Variants in NVL observed in about 807,000 individuals in gnomAD.
The protein encoded by NVL is nuclear valosin-containing protein-like.
NVL carries 84 observed loss-of-function variants against 110.2 expected under a neutral mutation model. That is an observed-to-expected ratio of 0.76 (90% confidence interval 0.64 to 0.91). The LOEUF is 0.91. NVL is among the 40% of genes least tolerant of loss of function. The pLI is 0.00. For synonymous variants in NVL, 354 were observed against 361.1 expected, an observed-to-expected ratio of 0.98 and a Z score of 0.22; for missense variants, 882 against 1,035.9, an observed-to-expected ratio of 0.85 and a Z score of 2.04.
intron 18 of NVL, among the ~76,000 whole-genome samples, chr1:224,261,726 A>G (rs1664005870): frequency 6.6e-6 from 1 of 152,024 alleles, no homozygotes; most frequent in African/African-American, 2.4e-5. Flanking sequence ...CTGAGGTGGG[A>G]GGATCGCTTG....
intron 15 of NVL, 97 bp from the exon 16 acceptor site, chr1:224,281,282 T>TCC: frequency 1.3e-6 from 1 of 767,468 alleles, no homozygotes; most frequent in South Asian, 1.5e-5. Flanking sequence ...GGACTCTGTG[T>TCC]GCGTGTGTGT....
chr1:224,272,098 G>A (rs1665174922), intron 17 of NVL, among the ~76,000 whole-genome samples: 2 of 151,988 alleles, frequency 1.3e-5, no homozygotes, highest in Admixed American at 6.6e-5. Context: ...CACTTTGGAA[G>A]GCTGAGGCAG....
intron 18 of NVL, among the ~76,000 whole-genome samples, chr1:224,261,003 GTAGC>G (rs1663914444): frequency 6.6e-6 from 1 of 152,050 alleles, no homozygotes; most frequent in South Asian, 2.1e-4. Context: ...AGCCTCCCGA[GTAGC>G]TGGGACTATG....
In NVL at chr1:224,250,307, G is replaced by A. The variant is rs199771667; in HGVS notation, c.2194C>T (p.Pro732Ser). 4.1e-5 allele frequency: 65 copies of A among 1,579,180 alleles called. 1 individual carries two copies. The highest frequency in any genetic ancestry group is 2.6e-6 in the Non-Finnish European group (3 of 1,167,322). The part of the protein sequence containing the change: ...AATNRPDIID[P>S]AILRPGRLDK... Reference sequence around the variant, plus strand: ...AGGCGGCCCGGGCGCAGGATTGCAGGGTCAATTATATCTAGAGAAGAAGGG... The same window carrying A: ...AGGCGGCCCGGGCGCAGGATTGCAGAGTCAATTATATCTAGAGAAGAAGGG... The change falls in exon 19 of 23, where the codon CCT (proline) becomes TCT (serine). Residue 732 changes from proline to serine, a missense_variant. Physicochemically the swap from Pro to Ser is moderately conservative, Grantham distance 74. Transcript: ENST00000281701.
chr1:224,308,115 G>A lies in NVL; in HGVS notation c.491C>T (p.Thr164Ile). ...TCCTCCTTCAGAATCTTTGGCAGGG[G>A]TCTTCAAGGGAATGGAGCCTGTTTT... ...SSKTGSIPLK[T>I]PAKDSEGGWF... Residue 164 changes from threonine to isoleucine, a missense_variant, in exon 6 of 23, where the codon ACC becomes ATC. Coordinates refer to ENST00000281701, the MANE Select transcript of NVL (RefSeq NM_002533.4). 1 of 1,613,868 alleles carries A rather than the reference G, an allele frequency of 6.2e-7. No homozygotes were observed. Among genetic ancestry groups the A allele is most frequent in the South Asian group, 1.1e-5 (1 of 91,004 alleles).
chr1:224,323,713 A>G (rs1479100583), intron 2 of NVL, among the ~76,000 whole-genome samples: 2 of 152,198 alleles, frequency 1.3e-5, no homozygotes, highest in African/African-American at 4.8e-5. Context: ...CTGCCAACAC[A>G]AACCCAGAGG....
At chr1:224,255,708 C>A (rs1432565918) in intron 18 of NVL, among the ~76,000 whole-genome samples, 1 of 152,162 alleles carries the variant, frequency 6.6e-6, no homozygotes. Flanking sequence ...CTGTACCTGG[C>A]TTATTGGCAC....
chr1:224,227,459 A>G lies in NVL; in HGVS notation c.*167T>C. Reference sequence around the variant, plus strand: ...GGCATTTTCACACAAGGCTGGCCAGATGGGAAGAATCTTCAGCTTCAGCTT... The same window carrying G: ...GGCATTTTCACACAAGGCTGGCCAGGTGGGAAGAATCTTCAGCTTCAGCTT... On this transcript the variant is annotated 3_prime_UTR_variant, in exon 23 of 23. Transcript: ENST00000281701. 1 of 458,218 alleles carries G rather than the reference A, an allele frequency of 2.2e-6. No individual in the cohort carries two copies. The highest frequency in any genetic ancestry group is 3.8e-6 in the Non-Finnish European group (1 of 259,754). 28.4% of individuals were successfully genotyped at this position (458,218 alleles called of 1,614,324 possible).
chr1:224,301,704 G>A (rs1158129550), intron 9 of NVL: 1 of 348,288 alleles, frequency 2.9e-6, no homozygotes, highest in Non-Finnish European at 5.7e-6. Context: ...TGAGGCTGAG[G>A]CAGGAGGATC....
intron 15 of NVL, among the ~76,000 whole-genome samples, chr1:224,285,116 C>T (rs1666728334): frequency 1.3e-5 from 2 of 152,024 alleles, no homozygotes; most frequent in South Asian, 4.1e-4. Context: ...GGAAATACAG[C>T]TAAGTGAGAA....
intron 19 of NVL, among the ~76,000 whole-genome samples, chr1:224,240,894 G>C (rs4316335): frequency 6.7e-6 from 1 of 148,434 alleles, no homozygotes; most frequent in African/African-American, 2.5e-5. Flanking sequence ...GGGTTCAAGA[G>C]ATTCTCCTGC....
At chr1:224,278,901 G>GT (rs999064513) in intron 16 of NVL, among the ~76,000 whole-genome samples, 1 of 151,876 alleles carries the variant, frequency 6.6e-6, no homozygotes, top group Non-Finnish European at 1.5e-5. Flanking sequence ...ATTTTATGGG[G>GT]TTTTTTTGTA....
intron 18 of NVL, among the ~76,000 whole-genome samples, chr1:224,251,975 C>T (rs1021310869): frequency 5.3e-5 from 8 of 152,176 alleles, no homozygotes; most frequent in African/African-American, 7.2e-5. Flanking sequence ...TCAAATTCCG[C>T]TCCCACTGCA....
intron 22 of NVL, chr1:224,228,059 T>C (rs1356947752): frequency 6.5e-6 from 1 of 152,824 alleles, no homozygotes; most frequent in African/African-American, 2.4e-5. Context: ...TCTGTGGTAC[T>C]TTGTCATAGT....
intron 22 of NVL, among the ~76,000 whole-genome samples, chr1:224,229,949 G>A (rs1454657838): frequency 1.3e-5 from 2 of 150,694 alleles, no homozygotes; most frequent in Non-Finnish European, 3.0e-5. Flanking sequence ...CTTCTGCCTC[G>A]GTCTCCTAAG....
At position 224,268,135 on chromosome 1, in the gene NVL, TAA is replaced by T. The variant is rs1664683025; in HGVS notation, c.2083-4_2083-3del. 1.2e-6 allele frequency: 2 copies of T among 1,606,266 alleles called. No individual in the cohort carries two copies. Among genetic ancestry groups the T allele is most frequent in the Non-Finnish European group, 1.7e-6 (2 of 1,173,684 alleles). ...CACCACTCGGACACTTGCCCCTGTC[TAA>T]AAAGACATAAATCTGGTTCCATCAG... On this transcript the variant is annotated splice_polypyrimidine_tract_variant and splice_region_variant and intron_variant, in intron 17 of 22. Coordinates refer to ENST00000281701, the MANE Select transcript of NVL (RefSeq NM_002533.4).
At chr1:224,246,483 T>C (rs1334694427) in intron 19 of NVL, among the ~76,000 whole-genome samples, 3 of 152,222 alleles carry the variant, frequency 2.0e-5, no homozygotes, top group Non-Finnish European at 4.4e-5. Context: ...CCAATCATTC[T>C]CTGGTTCCAA....
intron 16 of NVL, 65 bp downstream of exon 16, chr1:224,281,058 C>T: frequency 1.5e-6 from 2 of 1,358,156 alleles, no homozygotes; most frequent in Non-Finnish European, 1.1e-6. Flanking sequence ...GAACATTTTA[C>T]CCCGTAATTT....
At chr1:224,248,211 C>T (rs891989323) in intron 19 of NVL, among the ~76,000 whole-genome samples, 3 of 152,218 alleles carry the variant, frequency 2.0e-5, no homozygotes, top group Non-Finnish European at 4.4e-5. Context: ...CCTTTAACTC[C>T]CAACTCTACA....
Sources: gnomAD v4.1 joint callset for allele counts (sites outside exome capture counted in the v4.1 genomes callset) on GRCh38, gnomAD v4.1.1 for gene constraint, MANE v1.5 for transcripts, NCBI Gene and HGNC (gene_info 2026-07-23, HGNC 2026-07-21) for gene names.